The following SEMA4D variants were observed in gnomAD, a reference collection of about 807,000 sequenced individuals.
SEMA4D encodes semaphorin 4D, also known as semaphorin-4D.
Under a neutral mutation model 74.8 loss-of-function variants are expected in SEMA4D, and 22 were observed. The ratio of observed to expected loss-of-function variants is 0.29; its 90% CI spans 0.21 to 0.42. The LOEUF (loss-of-function observed/expected upper bound fraction) is 0.42, where lower values mean the gene tolerates loss of function less well. SEMA4D is among the 10% of genes least tolerant of loss of function. The pLI is 1.00. For synonymous variants in SEMA4D, 445 were observed against 463.7 expected (o/e 0.96, Z 0.52); for missense variants, 937 against 1,118.4 (o/e 0.84, Z 2.31).
chr9:89,454,673 G>A (rs1398848111), intron 2 of SEMA4D, among the ~76,000 whole-genome samples: 1 of 152,254 alleles, frequency 6.6e-6, no homozygotes, highest in African/African-American at 2.4e-5. Context: ...TCAAACCGCA[G>A]TGGGTGTCCC....
At chr9:89,391,089 T>G (rs1839760156) in intron 9 of SEMA4D, among the ~76,000 whole-genome samples, 175 bp downstream of exon 9, 1 of 152,182 alleles carries the variant, frequency 6.6e-6, no homozygotes, top group Non-Finnish European at 1.5e-5. Flanking sequence ...GGGCCAGCAC[T>G]CCCTCAGTCC....
chr9:89,412,951 G>A (rs187991609), intron 2 of SEMA4D, among the ~76,000 whole-genome samples: 1 of 152,236 alleles, frequency 6.6e-6, no homozygotes, highest in African/African-American at 2.4e-5. Context: ...TCAGAACAGT[G>A]GCTCCATAAT....
chr9:89,413,664 C>CATCT (rs1845029415), intron 2 of SEMA4D, among the ~76,000 whole-genome samples: 1 of 152,212 alleles, frequency 6.6e-6, no homozygotes, highest in South Asian at 2.1e-4. Flanking sequence ...AGTGCATGTG[C>CATCT]ATCTGCTTGG....
At chr9:89,491,571 AAACAACAACAAC>A (rs35705317) in intron 1 of SEMA4D, among the ~76,000 whole-genome samples, 16 of 150,768 alleles carry the variant, frequency 1.1e-4, no homozygotes, top group African/African-American at 3.7e-4. Context: ...TCTGTCTCAA[AAACAACAACAAC>A]AACAACAACA....
At chr9:89,383,046 A>C (rs1837527822) in intron 13 of SEMA4D, among the ~76,000 whole-genome samples, 1 of 152,218 alleles carries the variant, frequency 6.6e-6, no homozygotes. Flanking sequence ...GACGCCACAC[A>C]GAGACCAAGG....
intron 1 of SEMA4D, among the ~76,000 whole-genome samples, chr9:89,465,633 G>GA (rs1404457944): frequency 2.0e-5 from 3 of 152,106 alleles, no homozygotes; most frequent in East Asian, 3.8e-4. Context: ...TTCACCTCAA[G>GA]AAAAAAATAA....
intron 8 of SEMA4D, 129 bp downstream of exon 8, chr9:89,392,294 T>TC (rs35124001): frequency 0.38 from 250,365 of 654,406 alleles, 49,372 homozygotes; most frequent in African/African-American, 0.46. Flanking sequence ...TTGGGAAGTA[T>TC]CCCCCACAAA....
intron 1 of SEMA4D, among the ~76,000 whole-genome samples, chr9:89,485,506 G>A (rs1317450414): frequency 1.3e-5 from 2 of 152,156 alleles, no homozygotes; most frequent in South Asian, 2.1e-4. Flanking sequence ...AACATTAACC[G>A]GGCTGGGCAC....
chr9:89,458,801 CTT>C (rs780029167), intron 1 of SEMA4D, among the ~76,000 whole-genome samples: 1 of 152,068 alleles, frequency 6.6e-6, no homozygotes, highest in Non-Finnish European at 1.5e-5. Flanking sequence ...CACATACACA[CTT>C]ATACACCTAA....
intron 5 of SEMA4D, among the ~76,000 whole-genome samples, chr9:89,397,925 T>G (rs1841351709): frequency 6.6e-6 from 1 of 152,124 alleles, no homozygotes; most frequent in African/African-American, 2.4e-5. Context: ...GGAATGAGTA[T>G]TCGGCCCAGG....
chr9:89,405,503 G>C lies in SEMA4D; in HGVS notation c.-47C>G, dbSNP rs1365521222. ...GCTTCAGCAGCAAAGGCTCACGGCA[G>C]CAGGTGGCCGGGCAGGTGTGCTATT... On this transcript the variant is annotated 5_prime_UTR_variant, in exon 3 of 16. Coordinates refer to ENST00000422704, the MANE Select transcript of SEMA4D (RefSeq NM_001371194.2). 6.2e-7 allele frequency: 1 copy of C among 1,606,206 alleles called. No homozygotes were observed. The highest frequency in any genetic ancestry group is 8.5e-7 in the Non-Finnish European group (1 of 1,178,166).
intron 2 of SEMA4D, among the ~76,000 whole-genome samples, chr9:89,406,967 C>A (rs986171043): frequency 1.3e-5 from 2 of 151,266 alleles, no homozygotes; most frequent in African/African-American, 4.9e-5. Flanking sequence ...CCCACCCCCA[C>A]CCCCAATCCA....
downstream of SEMA4D, chr9:89,377,042 G>T: frequency 6.5e-7 from 1 of 1,536,900 alleles, no homozygotes; most frequent in Non-Finnish European, 8.8e-7. Context: ...GAGGGGCTTA[G>T]GAGACGAGGC....
chr9:89,466,176 T>C (rs965481525), intron 1 of SEMA4D, among the ~76,000 whole-genome samples: 1 of 152,142 alleles, frequency 6.6e-6, no homozygotes, highest in Non-Finnish European at 1.5e-5. Context: ...CCGCAGCTCC[T>C]GGGGCACACA....
At chr9:89,460,062 C>G (rs1856858549) in intron 1 of SEMA4D, among the ~76,000 whole-genome samples, 1 of 152,194 alleles carries the variant, frequency 6.6e-6, no homozygotes, top group African/African-American at 2.4e-5. Context: ...AGGCCAGACA[C>G]AGAAACCCAC....
chr9:89,385,137 C>T (rs1429956288), intron 13 of SEMA4D: 2 of 899,126 alleles, frequency 2.2e-6, no homozygotes, highest in East Asian at 2.4e-4. Flanking sequence ...GGCGGGTGGG[C>T]ACTGACCCGT....
At position 89,462,961 on chromosome 9, in the gene SEMA4D, C is replaced by CGAGCGAGGGGAGGGGAGA. The variant is rs1564882039; in HGVS notation, c.-309-7009_-309-7008insTCTCCCCTCCCCTCGCTC. On this transcript the variant is annotated intron_variant, in intron 1 of 15. Transcript: ENST00000422704. ...GTGCTGGAAAGAAAGGAGGGGGGAG[C>CGAGCGAGGGGAGGGGAGA]GAGCGAGGGGAGGGGAGCGAGGGAG... 5.5e-4 allele frequency among the ~76,000 whole-genome samples: 11 copies of CGAGCGAGGGGAGGGGAGA among 19,842 alleles called. 1 individual carries two copies. Among genetic ancestry groups the CGAGCGAGGGGAGGGGAGA allele is most frequent in the African/African-American group, 1.7e-3 (8 of 4,616 alleles). 13.0% of individuals were successfully genotyped at this position (19,842 alleles called of 152,430 possible).
In SEMA4D at chr9:89,399,287, TCC is replaced by T; in HGVS notation, c.302_303del (p.Gly101GlufsTer35). Reference sequence around the variant, plus strand: ...CAAAAGAAATTTACCTGTTTTGATTTCCCCTTTTCTGCACATTTTGCTTTTTT... The same window carrying T: ...CAAAAGAAATTTACCTGTTTTGATTTCCTTTTCTGCACATTTTGCTTTTTT... ...EDKKAKCAEK[G>X]KSKQTECLNY... On this transcript the variant is annotated frameshift_variant, in exon 5 of 16. Coordinates refer to ENST00000422704, the MANE Select transcript of SEMA4D (RefSeq NM_001371194.2). LOFTEE classifies it high-confidence loss of function. 1 of 1,613,652 alleles carries T rather than the reference TCC, an allele frequency of 6.2e-7. No individual in the cohort carries two copies. The highest frequency in any genetic ancestry group is 8.5e-7 in the Non-Finnish European group (1 of 1,179,482).
At chr9:89,374,110 T>G (rs1202142507), downstream of SEMA4D, among the ~76,000 whole-genome samples, 1 of 152,202 alleles carries the variant, frequency 6.6e-6, no homozygotes, top group Non-Finnish European at 1.5e-5. Flanking sequence ...TGAACGAGAA[T>G]GTCCCAGATG....
Sources: allele counts gnomAD v4.1 joint callset (sites outside exome capture counted in the v4.1 genomes callset), GRCh38; gene constraint gnomAD v4.1.1; transcripts MANE v1.5; gene names NCBI Gene and HGNC (gene_info 2026-07-23, HGNC 2026-07-21).